PCDHGA2: variants seen among roughly 807,000 people sequenced by gnomAD.
The protein encoded by PCDHGA2 is protocadherin gamma-A2.
PCDHGA2 carries 40 observed loss-of-function variants against 59.2 expected under a neutral mutation model. The observed-to-expected ratio is 0.68, with a 90% CI of 0.52 to 0.88. The LOEUF (loss-of-function observed/expected upper bound fraction) is 0.88. Among genes scored for constraint, PCDHGA2 ranks in the 40% least tolerant of loss-of-function variants. The pLI, the probability that PCDHGA2 is intolerant of heterozygous loss-of-function variation, is 0.00. For missense variants in PCDHGA2, 1,226 were observed against 1,204.0 expected, an observed-to-expected ratio of 1.02 and a Z score of -0.27; for synonymous variants, 560 against 526.0, an observed-to-expected ratio of 1.06 and a Z score of -0.89.
At position 141,351,450 on chromosome 5, in the gene PCDHGA2, A is replaced by G. The variant is rs374291004; in HGVS notation, c.2424+10055A>G. 10 of 1,613,086 alleles carry G rather than the reference A, an allele frequency of 6.2e-6. No individual in the cohort carries two copies. Among genetic ancestry groups the G allele is most frequent in the Admixed American group, 1.7e-5 (1 of 59,816 alleles). On this transcript the variant is annotated intron_variant, in intron 1 of 3. Transcript: ENST00000394576. ...AAATTAGAATCCACCTCGAAGAATT[A>G]TTACAAGCTGGTGATTGCTGGAGCC...
chr5:141,384,164 T>C, intron 1 of PCDHGA2: 1 of 1,613,724 alleles, frequency 6.2e-7, no homozygotes, highest in Non-Finnish European at 8.5e-7. Flanking sequence ...AACATCACAC[T>C]GAAAGCCACA....
intron 1 of PCDHGA2, chr5:141,383,820 A>C: frequency 6.2e-7 from 1 of 1,613,924 alleles, no homozygotes; most frequent in Non-Finnish European, 8.5e-7. Flanking sequence ...TAGAAGGATT[A>C]GATTATGAAG....
At chr5:141,409,620 A>C in intron 1 of PCDHGA2, 2 of 1,613,876 alleles carry the variant, frequency 1.2e-6, no homozygotes, top group Non-Finnish European at 1.7e-6. Flanking sequence ...TCCATTGCGC[A>C]AGTGAGCGCC....
chr5:141,360,762 A>G (rs917082893), intron 1 of PCDHGA2: 1 of 1,613,952 alleles, frequency 6.2e-7, no homozygotes, highest in Non-Finnish European at 8.5e-7. Context: ...GTTTACATCA[A>G]TTGGTCCTCA....
intron 1 of PCDHGA2, among the ~76,000 whole-genome samples, chr5:141,470,360 T>G (rs1554150725): frequency 6.6e-6 from 1 of 152,142 alleles, no homozygotes; most frequent in Non-Finnish European, 1.5e-5. Context: ...ATAGACACAT[T>G]AGGTTGAATG....
intron 1 of PCDHGA2, among the ~76,000 whole-genome samples, chr5:141,347,003 T>C (rs1561493047): frequency 6.7e-6 from 1 of 149,260 alleles, no homozygotes; most frequent in Non-Finnish European, 1.5e-5. Flanking sequence ...TCTTTCTCCT[T>C]CCTTCCTTCC....
chr5:141,370,915 C>T, intron 1 of PCDHGA2: 1 of 1,614,006 alleles, frequency 6.2e-7, no homozygotes, highest in Non-Finnish European at 8.5e-7. Context: ...TACCTCAGCC[C>T]TGATCCGCAC....
intron 1 of PCDHGA2, chr5:141,423,965 T>C (rs911812056): frequency 8.1e-5 from 94 of 1,162,030 alleles, no homozygotes; most frequent in Admixed American, 1.3e-4. Context: ...TATTTTTCTA[T>C]TATCAGTGTA....
chr5:141,441,973 C>A lies in PCDHGA2; in HGVS notation c.2425-52834C>A, dbSNP rs1457832429. The A allele has an allele frequency of 3.7e-5, 11 of 296,542 alleles. No individual in the cohort carries two copies. In the Admixed American group the frequency reaches 4.9e-4, roughly 13 times the overall value. 18.4% of individuals were successfully genotyped at this position (296,542 alleles called of 1,614,324 possible). A position where few individuals can be genotyped will look rare whatever the true frequency, so the allele number is the denominator to read the frequency against. ...GGCCAGCAAGCCCAGGCTCTTCAGC[C>A]TGGAATGCGCACCGACGAGGTGCTG... On this transcript the variant is annotated intron_variant, in intron 1 of 3. Coordinates refer to ENST00000394576, the MANE Select transcript of PCDHGA2 (RefSeq NM_018915.4).
intron 1 of PCDHGA2, among the ~76,000 whole-genome samples, chr5:141,401,772 G>T (rs756327304): frequency 6.6e-6 from 1 of 152,126 alleles, no homozygotes; most frequent in Non-Finnish European, 1.5e-5. Context: ...TAAGTCTTTT[G>T]CTTGGTTTCC....
At position 141,421,139 on chromosome 5, in the gene PCDHGA2, A is replaced by T. The variant is rs2096548615; in HGVS notation, c.2425-73668A>T. Reference sequence around the variant, plus strand: ...TCCTTCGCTTTCTGATATATTTTGGATGTAGTCGGCCTAGGACTTCATAGA... The same window carrying T: ...TCCTTCGCTTTCTGATATATTTTGGTTGTAGTCGGCCTAGGACTTCATAGA... On this transcript the variant is annotated intron_variant, in intron 1 of 3. Transcript: ENST00000394576. 5 of 913,574 alleles carry T rather than the reference A, an allele frequency of 5.5e-6. No individual in the cohort carries two copies. The South Asian group carries it at 8.8e-5, about 16-fold the overall frequency. 56.6% of individuals were successfully genotyped at this position (913,574 alleles called of 1,614,324 possible). A position where few individuals can be genotyped will look rare whatever the true frequency, so the allele number is the denominator to read the frequency against.
intron 1 of PCDHGA2, chr5:141,400,326 T>A: frequency 6.2e-7 from 1 of 1,614,104 alleles, no homozygotes; most frequent in Non-Finnish European, 8.5e-7. Flanking sequence ...AGTCTGGACC[T>A]GTGGTTCCCC....
At chr5:141,382,819 G>A in intron 1 of PCDHGA2, 2 of 1,297,966 alleles carry the variant, frequency 1.5e-6, no homozygotes, top group Non-Finnish European at 2.1e-6. Context: ...CCCTTCCTAA[G>A]ACAGAGGGGT....
At chr5:141,492,727 G>A (rs2099743408) in intron 1 of PCDHGA2, among the ~76,000 whole-genome samples, 1 of 152,274 alleles carries the variant, frequency 6.6e-6, no homozygotes, top group South Asian at 2.1e-4. Flanking sequence ...GACAGGCAGA[G>A]CTGCCCAGTG....
At chr5:141,353,788 C>T (rs1002916622) in intron 1 of PCDHGA2, among the ~76,000 whole-genome samples, 1 of 152,172 alleles carries the variant, frequency 6.6e-6, no homozygotes, top group Non-Finnish European at 1.5e-5. Flanking sequence ...AAATTTATTT[C>T]CAAACATCTT....
chr5:141,423,525 G>A (rs1014975146), intron 1 of PCDHGA2: 8 of 1,613,710 alleles, frequency 5.0e-6, no homozygotes, highest in African/African-American at 2.7e-5. Context: ...ACTCGCAGAA[G>A]AGTCACCTGA....
chr5:141,387,866 G>A, intron 1 of PCDHGA2: 2 of 1,590,640 alleles, frequency 1.3e-6, no homozygotes, highest in South Asian at 1.1e-5. Context: ...TGGTGAGCAA[G>A]CTGAGGAGAG....
intron 1 of PCDHGA2, chr5:141,419,102 A>G (rs201327680): frequency 4.5e-5 from 73 of 1,613,748 alleles, no homozygotes; most frequent in Non-Finnish European, 5.9e-5. Flanking sequence ...TCGGGAGCAG[A>G]CCCCAGAGTA....
intron 1 of PCDHGA2, chr5:141,383,896 G>A: frequency 6.2e-7 from 1 of 1,613,960 alleles, no homozygotes; most frequent in Non-Finnish European, 8.5e-7. Flanking sequence ...AAAGGCAAAA[G>A]TACTGATCAC....
Sources: gnomAD v4.1 joint callset for allele counts (sites outside exome capture counted in the v4.1 genomes callset) on GRCh38, gnomAD v4.1.1 for gene constraint, MANE v1.5 for transcripts, NCBI Gene and HGNC (gene_info 2026-07-23, HGNC 2026-07-21) for gene names.